PLCB1: variants seen among roughly 807,000 people sequenced by gnomAD.
The protein encoded by PLCB1 is 1-phosphatidylinositol 4,5-bisphosphate phosphodiesterase beta-1.
Under a neutral mutation model 161.8 loss-of-function variants are expected in PLCB1, and 46 were observed. The ratio of observed to expected loss-of-function variants is 0.28; its 90% CI spans 0.22 to 0.36. PLCB1 has a LOEUF of 0.36. PLCB1 is among the 10% of genes least tolerant of loss of function. The probability of loss-of-function intolerance (pLI) is 1.00; values close to 1 mark genes in which losing one functional copy is unlikely to be tolerated. For missense variants in PLCB1, 1,016 were observed against 1,472.5 expected, an observed-to-expected ratio of 0.69 and a Z score of 5.07; for synonymous variants, 517 against 503.7, an observed-to-expected ratio of 1.03 and a Z score of -0.35.
intron 3 of PLCB1, among the ~76,000 whole-genome samples, chr20:8,435,794 G>A (rs974976721): frequency 2.0e-5 from 3 of 152,098 alleles, no homozygotes; most frequent in South Asian, 2.1e-4. Context: ...TCCCATTTCC[G>A]TTACCAGATA....
At position 8,724,171 on chromosome 20, in the gene PLCB1, A is replaced by AC. The variant is rs1362910383; in HGVS notation, c.1582-485_1582-484insC. ...CAACAAACCCCAGTGACATAAGTTTATTTATATAAAAAAAAAAACCTGCAC... is the reference window on the plus strand; with the variant it reads ...CAACAAACCCCAGTGACATAAGTTTACTTTATATAAAAAAAAAAACCTGCAC... On this transcript the variant is annotated intron_variant, in intron 15 of 31. Coordinates refer to ENST00000338037, the MANE Select transcript of PLCB1 (RefSeq NM_015192.4). 1.7e-4 allele frequency among the ~76,000 whole-genome samples: 4 copies of AC among 23,590 alleles called. No individual in the cohort carries two copies. The East Asian group carries it at 0.024, about 143-fold the overall frequency. The allele number at this position is 23,590 out of a possible 152,430, so 15.5% of individuals were successfully genotyped here. A position where few individuals can be genotyped will look rare whatever the true frequency, so the allele number is the denominator to read the frequency against.
chr20:8,524,302 C>T (rs1397929971), intron 3 of PLCB1, among the ~76,000 whole-genome samples: 1 of 152,012 alleles, frequency 6.6e-6, no homozygotes, highest in Non-Finnish European at 1.5e-5. Flanking sequence ...AAATGAACCT[C>T]CTGGGTTTTG....
intron 3 of PLCB1, among the ~76,000 whole-genome samples, chr20:8,528,787 G>A (rs1165678732): frequency 6.6e-6 from 1 of 151,838 alleles, no homozygotes; most frequent in Non-Finnish European, 1.5e-5. Context: ...ACCAATACTA[G>A]ATAATACGTA....
chr20:8,508,368 A>G (rs1983732097), intron 3 of PLCB1, among the ~76,000 whole-genome samples: 1 of 152,156 alleles, frequency 6.6e-6, no homozygotes, highest in African/African-American at 2.4e-5. Flanking sequence ...TGAAACAACA[A>G]GAACTCAAGG....
Position 8,132,751 on chromosome 20 carries a change from G to A in PLCB1, c.99+1G>A. The A allele has an allele frequency of 6.2e-7, 1 of 1,605,522 alleles. No homozygotes were observed. Among genetic ancestry groups the A allele is most frequent in the Non-Finnish European group, 8.5e-7 (1 of 1,172,826 alleles). ...CACCAAATTCGTCAAGTGGGATGAT[G>A]TAAGTATTGGGGCGGCCCGAGTCGG... is the stretch of plus-strand genomic sequence containing the variant. On this transcript the variant is annotated splice_donor_variant, in intron 1 of 31. Transcript: ENST00000338037. LOFTEE classifies it high-confidence loss of function. This position sits in a 1 kb window ranked among gnomAD's most constrained non-coding sequence, Gnocchi z 5.2.
intron 2 of PLCB1, among the ~76,000 whole-genome samples, chr20:8,314,201 A>T (rs1012610856): frequency 2.0e-5 from 3 of 152,240 alleles, no homozygotes; most frequent in African/African-American, 7.2e-5. Context: ...AACTCTAGCC[A>T]TAACTAGGAA....
intron 2 of PLCB1, among the ~76,000 whole-genome samples, chr20:8,153,473 CT>C (rs1443845870): frequency 6.6e-6 from 1 of 152,116 alleles, no homozygotes; most frequent in Non-Finnish European, 1.5e-5. Flanking sequence ...CTACATTAGG[CT>C]ATAACTTTTC....
At chr20:8,355,545 T>G (rs1433580822) in intron 2 of PLCB1, among the ~76,000 whole-genome samples, 1 of 152,196 alleles carries the variant, frequency 6.6e-6, no homozygotes, top group Non-Finnish European at 1.5e-5. Flanking sequence ...TTGTGAGAAC[T>G]ATTCATATGA....
chr20:8,162,855 T>C (rs2051639479), intron 2 of PLCB1, among the ~76,000 whole-genome samples: 1 of 152,236 alleles, frequency 6.6e-6, no homozygotes, highest in African/African-American at 2.4e-5. Flanking sequence ...TAGCATGGCT[T>C]CATTATGCAA....
intron 2 of PLCB1, among the ~76,000 whole-genome samples, chr20:8,297,573 T>TTG (rs1983696671): frequency 2.6e-5 from 4 of 152,118 alleles, no homozygotes; most frequent in Admixed American, 2.6e-4. Flanking sequence ...TGCCAAGTAA[T>TTG]AATCGTTATA....
intron 2 of PLCB1, among the ~76,000 whole-genome samples, chr20:8,309,016 GA>G (rs969021626): frequency 3.3e-5 from 5 of 151,086 alleles, no homozygotes; most frequent in South Asian, 4.2e-4. Context: ...ATTATTGGGG[GA>G]AAAAAAACAT....
chr20:8,808,593 T>C (rs924225496), intron 31 of PLCB1, among the ~76,000 whole-genome samples: 5 of 152,188 alleles, frequency 3.3e-5, no homozygotes. Context: ...ACAAATTCTG[T>C]AGAAAACTAT....
chr20:8,526,050 C>T (rs1984573866), intron 3 of PLCB1, among the ~76,000 whole-genome samples: 1 of 152,038 alleles, frequency 6.6e-6, no homozygotes, highest in Admixed American at 6.6e-5. Flanking sequence ...ATATGAGTGG[C>T]TTATGAAACA....
chr20:8,383,597 C>A (rs1165846202), intron 3 of PLCB1, among the ~76,000 whole-genome samples: 1 of 152,178 alleles, frequency 6.6e-6, no homozygotes, highest in African/African-American at 2.4e-5. Context: ...GGTTATTTTG[C>A]ACACTAGTTG....
In PLCB1 at chr20:8,597,040, G is replaced by A. The variant is rs1448648391; in HGVS notation, c.247-31254G>A. ...GGTTTTCTAGATATACAGTCATGTCGTCTGCGAACAGGGACAATTTGACTT... is the reference window on the plus strand; with the variant it reads ...GGTTTTCTAGATATACAGTCATGTCATCTGCGAACAGGGACAATTTGACTT... On this transcript the variant is annotated intron_variant, in intron 3 of 31. Coordinates refer to ENST00000338037, the MANE Select transcript of PLCB1 (RefSeq NM_015192.4). Among the ~76,000 whole-genome samples, 11 of 127,010 alleles carry A rather than the reference G, an allele frequency of 8.7e-5. No homozygotes were observed. The East Asian group carries it at 1.4e-3, about 16-fold the overall frequency. The allele number at this position is 127,010 out of a possible 152,430, so 83.3% of individuals were successfully genotyped here. A position where few individuals can be genotyped will look rare whatever the true frequency, so the allele number is the denominator to read the frequency against.
intron 2 of PLCB1, among the ~76,000 whole-genome samples, chr20:8,267,027 G>A (rs4813855): frequency 0.15 from 21,606 of 145,124 alleles, 2,073 homozygotes; most frequent in Non-Finnish European, 0.21. Context: ...ACGAGAGCGA[G>A]ACTTCGTCTA....
In PLCB1 at chr20:8,843,638, TAAAATA is replaced by T. The variant is rs1381508442; in HGVS notation, c.3424-37983_3424-37978del. 1.3e-5 allele frequency among the ~76,000 whole-genome samples: 2 copies of T among 152,008 alleles called. 1 individual carries two copies. The highest frequency in any genetic ancestry group is 6.3e-3 in the Middle Eastern group (2 of 316). On this transcript the variant is annotated intron_variant, in intron 31 of 31. Coordinates refer to ENST00000338037, the MANE Select transcript of PLCB1 (RefSeq NM_015192.4). ...TGTATAATATATATATTTTAAATGA[TAAAATA>T]TAAATAATGAGAAAGAATAAAGATG...
intron 3 of PLCB1, among the ~76,000 whole-genome samples, chr20:8,503,391 C>T (rs1052809108): frequency 1.3e-5 from 2 of 152,154 alleles, no homozygotes; most frequent in Admixed American, 6.5e-5. Flanking sequence ...CTTCCTTCTA[C>T]ACACTATTCA....
intron 3 of PLCB1, among the ~76,000 whole-genome samples, chr20:8,374,885 T>C (rs1987024462): frequency 1.3e-5 from 2 of 152,180 alleles, no homozygotes; most frequent in Non-Finnish European, 2.9e-5. Context: ...TCTATATTCA[T>C]ATTATTTTTG....
Sources: gnomAD v4.1 joint callset for allele counts (sites outside exome capture counted in the v4.1 genomes callset) on GRCh38, gnomAD v4.1.1 for gene constraint, Gnocchi (gnomAD v3.1) non-coding constraint, MANE v1.5 for transcripts, NCBI Gene and HGNC (gene_info 2026-07-23, HGNC 2026-07-21) for gene names.